Variants in NCAPD3 observed in about 807,000 individuals in gnomAD.
NCAPD3 encodes the protein condensin-2 complex subunit D3.
NCAPD3 carries 105 observed loss-of-function variants against 182.9 expected under a neutral mutation model. That is an observed-to-expected ratio of 0.57 (90% CI 0.49 to 0.68). NCAPD3 has a LOEUF of 0.68. Ranked by LOEUF, NCAPD3 falls within the 30% of genes least tolerant of loss-of-function variation. The probability of loss-of-function intolerance (pLI) is 0.00; values close to 1 mark genes in which losing one functional copy is unlikely to be tolerated. For missense variants in NCAPD3, 1,944 were observed against 1,837.0 expected (o/e 1.06, Z -1.07); for synonymous variants, 815 against 679.9 (o/e 1.20, Z -3.09).
intron 26 of NCAPD3, 128 bp downstream of exon 26, chr11:134,168,341 G>A: frequency 1.3e-6 from 2 of 1,499,164 alleles, no homozygotes; most frequent in Non-Finnish European, 1.8e-6. Flanking sequence ...TGATGCCAGA[G>A]AAGGACAAGA....
intron 24 of NCAPD3, among the ~76,000 whole-genome samples, chr11:134,170,789 G>A (rs527632583): frequency 9.2e-4 from 140 of 152,324 alleles, no homozygotes; most frequent in African/African-American, 3.2e-3. Context: ...GGATTCACAC[G>A]CTGAGGGCTG....
chr11:134,153,662 C>T (rs1296916546), intron 32 of NCAPD3: 3 of 457,862 alleles, frequency 6.6e-6, no homozygotes, highest in South Asian at 2.2e-5. Context: ...TGCCCCTGTC[C>T]CGGTGACCGC....
chr11:134,204,070 A>C lies in NCAPD3; in HGVS notation c.1191T>G (p.Leu397=). The C allele has an allele frequency of 6.2e-7, 1 of 1,614,142 alleles. No individual in the cohort carries two copies. The highest frequency in any genetic ancestry group is 8.5e-7 in the Non-Finnish European group (1 of 1,180,026). ...CGEYAMFIAW[L]YKYSRSSKIP... ...CCTTGGAACTTCGGGAGTATTTGTA[A>C]AGCCAGGCAATGAACATAGCGTATT... The change falls in exon 10 of 35, where the codon CTT becomes CTG. Residue 397 remains leucine, a synonymous_variant. Transcript: ENST00000534548. This position sits in a 1 kb window ranked among gnomAD's most constrained non-coding sequence, Gnocchi z 4.3.
At chr11:134,199,595 C>A (rs1944706232) in intron 13 of NCAPD3, among the ~76,000 whole-genome samples, 1 of 152,202 alleles carries the variant, frequency 6.6e-6, no homozygotes, top group South Asian at 2.1e-4. Context: ...CCCCGTCAGC[C>A]ACCCCATCAA....
intron 28 of NCAPD3, among the ~76,000 whole-genome samples, chr11:134,160,968 G>A (rs1943561559): frequency 6.6e-6 from 1 of 151,174 alleles, no homozygotes; most frequent in African/African-American, 2.4e-5. Flanking sequence ...TCCTTTCTAG[G>A]GTCTAAAGTC....
chr11:134,152,649 G>C lies in NCAPD3; in HGVS notation c.*295C>G, dbSNP rs180973765. 10 of 280,566 alleles carry C rather than the reference G, an allele frequency of 3.6e-5. No individual in the cohort carries two copies. In the East Asian group the frequency reaches 6.3e-4, roughly 18 times the overall value. 17.4% of individuals were successfully genotyped at this position (280,566 alleles called of 1,614,324 possible). On this transcript the variant is annotated 3_prime_UTR_variant, in exon 35 of 35. Coordinates refer to ENST00000534548, the MANE Select transcript of NCAPD3 (RefSeq NM_015261.3). ...TTAAAGTTGTGTTCCTTAAAGACCA[G>C]ATTATAGCTTATCTGAATGGGCTTG...
At chr11:134,177,528 A>C (rs1944199472) in intron 22 of NCAPD3, 71 bp from the exon 23 acceptor site, 3 of 1,380,178 alleles carry the variant, frequency 2.2e-6, no homozygotes, top group Admixed American at 1.8e-5. Context: ...TTTTCTCCAG[A>C]TACATCTTGC....
At chr11:134,159,437 C>T (rs1266075252) in intron 29 of NCAPD3, among the ~76,000 whole-genome samples, 3 of 152,244 alleles carry the variant, frequency 2.0e-5, no homozygotes, top group Non-Finnish European at 4.4e-5. Context: ...AAAGCTGCCA[C>T]TTGTAGATGC....
rs936150397 is a variant in NCAPD3, at chr11:134,172,875, C to T, written c.3101+3432G>A. Among the ~76,000 whole-genome samples, 3 of 149,230 alleles carry T rather than the reference C, an allele frequency of 2.0e-5. No individual in the cohort carries two copies. The Admixed American group carries it at 2.0e-4, about 10-fold the overall frequency. On this transcript the variant is annotated intron_variant, in intron 24 of 34. Transcript: ENST00000534548. ...AATGCTACAAAAAATAAAACATTAG[C>T]TAACTATTTGGGAGGATGAGGTGGG... is the stretch of plus-strand genomic sequence containing the variant.
At chr11:134,187,754 A>C (rs1364462942) in intron 16 of NCAPD3, among the ~76,000 whole-genome samples, 3 of 152,122 alleles carry the variant, frequency 2.0e-5, no homozygotes. Flanking sequence ...CTTTCCACTA[A>C]AATTGTGACT....
intron 22 of NCAPD3, 77 bp downstream of exon 22, chr11:134,178,557 T>G (rs1944221388): frequency 1.7e-6 from 2 of 1,156,018 alleles, no homozygotes; most frequent in Non-Finnish European, 2.4e-6. Context: ...CCTGACACAG[T>G]CCCATGGCTG....
Position 134,158,015 on chromosome 11 carries a change from C to G in NCAPD3, c.4087G>C (p.Glu1363Gln). ...CGACTCCGATGCCTGCTCTTTGACT[C>G]CACGGCTTTCTTGACAGAATTCAGG... The part of the protein sequence containing the change: ...AILNSVKKAV[E>Q]SKSRHRSRSL... Residue 1363 changes from glutamate (E) to glutamine (Q), a missense_variant, in exon 31 of 35, where the codon GAG becomes CAG. Physicochemically the swap from Glu to Gln is conservative, Grantham distance 29 (BLOSUM62 2). Transcript: ENST00000534548. The G allele has an allele frequency of 6.2e-7, 1 of 1,614,220 alleles. No homozygotes were observed. Among genetic ancestry groups the G allele is most frequent in the South Asian group, 1.1e-5 (1 of 91,088 alleles).
At chr11:134,205,564 A>G (rs567051981) in intron 8 of NCAPD3, among the ~76,000 whole-genome samples, 13 of 152,044 alleles carry the variant, frequency 8.6e-5, no homozygotes, top group African/African-American at 3.1e-4. Context: ...TTTAGTAGAG[A>G]CAGGGTTTCA....
At chr11:134,153,513 C>A in intron 32 of NCAPD3, 150 bp from the exon 33 acceptor site, 2 of 771,724 alleles carry the variant, frequency 2.6e-6, no homozygotes, top group Non-Finnish European at 4.5e-6. Flanking sequence ...CAGGGCCTGG[C>A]AGTGTTGAGG....
chr11:134,213,301 G>C (rs1212799295), intron 3 of NCAPD3, among the ~76,000 whole-genome samples: 1 of 151,886 alleles, frequency 6.6e-6, no homozygotes, highest in Non-Finnish European at 1.5e-5. Context: ...TCCAGCCTGG[G>C]TGACAGACTG....
intron 16 of NCAPD3, among the ~76,000 whole-genome samples, chr11:134,190,409 CTA>C (rs944486214): frequency 6.6e-6 from 1 of 152,184 alleles, no homozygotes; most frequent in African/African-American, 2.4e-5. Context: ...TTAGATTTAT[CTA>C]TGTGTTTATC....
At chr11:134,173,422 C>G (rs1217768977) in intron 24 of NCAPD3, 1 of 153,442 alleles carries the variant, frequency 6.5e-6, no homozygotes, top group Non-Finnish European at 1.5e-5. Flanking sequence ...AGCCTTCCCC[C>G]AGAGCTGTCC....
intron 24 of NCAPD3, among the ~76,000 whole-genome samples, chr11:134,174,407 GCAAA>G (rs1944107269): frequency 3.8e-5 from 3 of 78,474 alleles, no homozygotes; most frequent in Non-Finnish European, 7.8e-5. Flanking sequence ...AAAAAAAAAA[GCAAA>G]CAAAAAAAAC....
chr11:134,164,884 T>A (rs1009442818), intron 27 of NCAPD3, among the ~76,000 whole-genome samples: 1 of 148,864 alleles, frequency 6.7e-6, no homozygotes, highest in Non-Finnish European at 1.5e-5. Context: ...TACTCACTTG[T>A]GACATGAGCT....
Sources: gnomAD v4.1 joint callset for allele counts (sites outside exome capture counted in the v4.1 genomes callset) on GRCh38, gnomAD v4.1.1 for gene constraint, Gnocchi (gnomAD v3.1) non-coding constraint, MANE v1.5 for transcripts, NCBI Gene and HGNC (gene_info 2026-07-23, HGNC 2026-07-21) for gene names.